DOCK1: variants seen among roughly 807,000 people sequenced by gnomAD.
DOCK1 encodes dedicator of cytokinesis protein 1.
Under a neutral mutation model 262.7 loss-of-function variants are expected in DOCK1, and 138 were observed. The observed-to-expected ratio is 0.53, with a 90% CI of 0.46 to 0.61. DOCK1 has a LOEUF of 0.61. DOCK1 is among the 20% of genes least tolerant of loss of function. The pLI, the probability that DOCK1 is intolerant of heterozygous loss-of-function variation, is 0.00. For missense variants in DOCK1, 1,908 were observed against 2,370.7 expected (o/e 0.80, Z 4.05); for synonymous variants, 866 against 867.4 (o/e 1.00, Z 0.03).
Position 127,117,249 on chromosome 10 carries a change from A to G in DOCK1, c.2623+6895A>G, listed in dbSNP as rs547623077. Among the ~76,000 whole-genome samples, 227 of 152,334 alleles carry G rather than the reference A, an allele frequency of 1.5e-3. 1 individual carries two copies. Among genetic ancestry groups the G allele is most frequent in the African/African-American group, 5.3e-3 (220 of 41,576 alleles). On this transcript the variant is annotated intron_variant, in intron 25 of 51. Coordinates refer to ENST00000623213, the MANE Select transcript of DOCK1 (RefSeq NM_001290223.2). ...TTCAGAGTCATCTACTTAAAAATGT[A>G]GAATTGGAAAAGAGTGATTATCTCA...
chr10:127,272,762 G>T (rs1192506820), intron 29 of DOCK1, among the ~76,000 whole-genome samples: 5 of 152,202 alleles, frequency 3.3e-5, no homozygotes, highest in Non-Finnish European at 5.9e-5. Flanking sequence ...ACAGTTCTAT[G>T]TGGCTTGGGA....
In DOCK1 at chr10:126,987,632, T is replaced by C; in HGVS notation, c.324+15T>C. ...AGCTCTACGTGGTGAGAAAATGAGA[T>C]ATTCATTCAAAGCTTAGAAATAGAG... is the stretch of plus-strand genomic sequence containing the variant. On this transcript the variant is annotated intron_variant, in intron 5 of 51. Coordinates refer to ENST00000623213, the MANE Select transcript of DOCK1 (RefSeq NM_001290223.2). The C allele has an allele frequency of 6.5e-7, 1 of 1,546,164 alleles. No individual in the cohort carries two copies. The highest frequency in any genetic ancestry group is 8.8e-7 in the Non-Finnish European group (1 of 1,142,410).
At chr10:126,934,933 A>G (rs2034465531) in intron 1 of DOCK1, among the ~76,000 whole-genome samples, 1 of 151,972 alleles carries the variant, frequency 6.6e-6, no homozygotes, top group South Asian at 2.1e-4. Context: ...ACACGGTGAA[A>G]CCCTGTCTCT....
intron 1 of DOCK1, among the ~76,000 whole-genome samples, chr10:126,940,530 A>G (rs959410194): frequency 1.3e-5 from 2 of 152,134 alleles, no homozygotes; most frequent in Admixed American, 6.5e-5. Context: ...CAGCCTCCCA[A>G]GTACCTGGGA....
At chr10:126,911,792 A>C (rs1035741608) in intron 1 of DOCK1, among the ~76,000 whole-genome samples, 1 of 152,164 alleles carries the variant, frequency 6.6e-6, no homozygotes, top group African/African-American at 2.4e-5. Context: ...ATCTTAAGGC[A>C]GTTTGGAAAC....
At chr10:127,036,040 A>T (rs9418720) in intron 18 of DOCK1, among the ~76,000 whole-genome samples, 4 of 137,282 alleles carry the variant, frequency 2.9e-5, no homozygotes, top group Non-Finnish European at 5.1e-5. Flanking sequence ...ATAAATAAAT[A>T]AATAAAAAAG....
At chr10:126,931,474 C>A (rs1388726731) in intron 1 of DOCK1, among the ~76,000 whole-genome samples, 4 of 151,804 alleles carry the variant, frequency 2.6e-5, no homozygotes, top group African/African-American at 7.3e-5. Context: ...AGTGCAGGTT[C>A]AGGAGCCCGA....
intron 29 of DOCK1, among the ~76,000 whole-genome samples, chr10:127,265,958 G>A (rs1266286846): frequency 4.6e-5 from 7 of 152,230 alleles, no homozygotes; most frequent in Non-Finnish European, 8.8e-5. Flanking sequence ...TTTCGTTGCC[G>A]TGAAGGAATT....
chr10:127,149,457 A>G (rs1394081753), intron 27 of DOCK1, among the ~76,000 whole-genome samples: 2 of 152,196 alleles, frequency 1.3e-5, no homozygotes, highest in African/African-American at 4.8e-5. Flanking sequence ...ACAGAGAAAT[A>G]TGTACCGCCT....
intron 24 of DOCK1, among the ~76,000 whole-genome samples, chr10:127,109,959 C>T (rs2048766870): frequency 6.6e-6 from 1 of 152,112 alleles, no homozygotes. Context: ...TGCTGTGTTA[C>T]CTTCCCACCA....
intron 31 of DOCK1, among the ~76,000 whole-genome samples, chr10:127,349,404 A>G (rs2063781731): frequency 6.6e-6 from 1 of 151,830 alleles, no homozygotes; most frequent in African/African-American, 2.4e-5. Context: ...CTTTTCTCCA[A>G]GCTTTTTGGT....
intron 5 of DOCK1, among the ~76,000 whole-genome samples, chr10:126,989,015 A>G (rs2039607787): frequency 6.6e-6 from 1 of 151,096 alleles, no homozygotes; most frequent in Non-Finnish European, 1.5e-5. Flanking sequence ...GGAGGTTGCA[A>G]TGAGCCAAGA....
rs1379495851 is a variant in DOCK1 at position 127,415,257 on chromosome 10, C to T, written c.4515+19C>T. The T allele has an allele frequency of 7.5e-6, 12 of 1,608,520 alleles. No homozygotes were observed. The highest frequency in any genetic ancestry group is 5.0e-5 in the Admixed American group (3 of 59,428). On this transcript the variant is annotated intron_variant, in intron 44 of 51. Transcript: ENST00000623213. ...TTTCATGGTAAGGATGGCCCCACCC[C>T]AGAAGGAATTGTCCGTTCCCTTCCT...
intron 27 of DOCK1, among the ~76,000 whole-genome samples, chr10:127,237,599 A>G (rs148720873): frequency 1.2e-3 from 178 of 152,286 alleles, no homozygotes; most frequent in Admixed American, 0.011. Context: ...AAAGCCCTCT[A>G]GTTATATTTT....
chr10:127,355,329 A>AAGCC (rs2133876825), intron 32 of DOCK1, among the ~76,000 whole-genome samples: 1 of 152,344 alleles, frequency 6.6e-6, no homozygotes, highest in South Asian at 2.1e-4. Context: ...TCTTATAGAT[A>AAGCC]AGCCCCTTCA....
At chr10:127,009,978 G>C (rs1408098869) in intron 11 of DOCK1, among the ~76,000 whole-genome samples, 1 of 152,158 alleles carries the variant, frequency 6.6e-6, no homozygotes, top group Non-Finnish European at 1.5e-5. Flanking sequence ...TTTTTGTACA[G>C]CTCAGTAGGA....
intron 32 of DOCK1, among the ~76,000 whole-genome samples, chr10:127,361,012 T>C (rs1009842878): frequency 6.6e-6 from 1 of 152,152 alleles, no homozygotes; most frequent in Non-Finnish European, 1.5e-5. Flanking sequence ...TTCAGTATTA[T>C]TCACATTTGA....
chr10:127,099,799 A>T (rs2048127767), intron 23 of DOCK1, among the ~76,000 whole-genome samples: 1 of 152,138 alleles, frequency 6.6e-6, no homozygotes, highest in African/African-American at 2.4e-5. Context: ...ACACATCCAA[A>T]CCATATCTGA....
At chr10:127,180,811 G>A (rs1012304759) in intron 27 of DOCK1, among the ~76,000 whole-genome samples, 13 of 152,162 alleles carry the variant, frequency 8.5e-5, no homozygotes, top group African/African-American at 2.4e-4. Context: ...AGAAAAACAC[G>A]AAATAATGTT....
Sources: gnomAD v4.1 joint callset for allele counts (sites outside exome capture counted in the v4.1 genomes callset) on GRCh38, gnomAD v4.1.1 for gene constraint, MANE v1.5 for transcripts, NCBI Gene and HGNC (gene_info 2026-07-23, HGNC 2026-07-21) for gene names.